FNDC7: variants seen among roughly 807,000 people sequenced by gnomAD.
FNDC7 encodes fibronectin type III domain-containing protein 7.
Under a neutral mutation model 74.2 loss-of-function variants are expected in FNDC7, and 66 were observed. The observed-to-expected ratio is 0.89, with a 90% CI of 0.73 to 1.09. The LOEUF is 1.09. Among genes scored for constraint, FNDC7 ranks in the 50% least tolerant of loss-of-function variants. FNDC7 has a pLI of 0.00. For synonymous variants in FNDC7, 307 were observed against 330.2 expected (o/e 0.93, Z 0.76); for missense variants, 829 against 893.4 (o/e 0.93, Z 0.92).
intron 5 of FNDC7, among the ~76,000 whole-genome samples, chr1:108,725,395 C>T (rs1041647527): frequency 1.3e-5 from 2 of 152,192 alleles, no homozygotes; most frequent in Non-Finnish European, 1.5e-5. Flanking sequence ...CTAGCTTCAT[C>T]TCTGGATGAA....
In FNDC7 at chr1:108,725,810, C is replaced by T. The variant is rs1661202278; in HGVS notation, c.917C>T (p.Ala306Val). The T allele has an allele frequency of 2.5e-6, 4 of 1,614,176 alleles. No individual in the cohort carries two copies. The highest frequency in any genetic ancestry group is 3.4e-6 in the Non-Finnish European group (4 of 1,180,006). ...GATCCCCCTGGCCACCTGTCTGTGG[C>T]TTGGTCCAGTGTAGATCTGGGTGAC... ...QEDPPGHLSV[A>V]WSSVDLGDYY... The change falls in exon 6 of 13, where the codon GCT becomes GTT. Residue 306 changes from alanine (A) to valine (V), a missense_variant. By Grantham distance (64) the Ala-to-Val change is moderately conservative. Transcript: ENST00000370017.
chr1:108,718,706 G>T (rs1661028843), intron 3 of FNDC7, 83 bp from the exon 4 acceptor site: 1 of 1,371,974 alleles, frequency 7.3e-7, no homozygotes, highest in Admixed American at 2.2e-5. Context: ...GTATATTATG[G>T]ATATCAATTT....
intron 11 of FNDC7, among the ~76,000 whole-genome samples, chr1:108,738,419 A>G (rs1661565227): frequency 6.6e-6 from 1 of 152,106 alleles, no homozygotes; most frequent in South Asian, 2.1e-4. Context: ...TAAGCAGTGT[A>G]TGCTGCCTCA....
At chr1:108,736,204 C>T (rs1164287163) in intron 10 of FNDC7, among the ~76,000 whole-genome samples, 1 of 152,180 alleles carries the variant, frequency 6.6e-6, no homozygotes, top group East Asian at 1.9e-4. Context: ...GTGCCTGCTT[C>T]GGCCACACAC....
intron 6 of FNDC7, among the ~76,000 whole-genome samples, chr1:108,727,487 G>A (rs555129733): frequency 2.0e-5 from 3 of 152,254 alleles, no homozygotes; most frequent in South Asian, 4.2e-4. Context: ...GCTTTCCAGT[G>A]GAGGGGTCAG....
intron 8 of FNDC7, among the ~76,000 whole-genome samples, chr1:108,730,361 CAA>C (rs748626022): frequency 4.3e-5 from 5 of 117,354 alleles, no homozygotes; most frequent in Admixed American, 9.4e-5. Context: ...ATCTCCTTCT[CAA>C]AAAAAAAAAA....
chr1:108,718,717 ACTTG>A, intron 3 of FNDC7, 68 bp from the exon 4 acceptor site: 1 of 1,462,790 alleles, frequency 6.8e-7, no homozygotes, highest in Non-Finnish European at 9.2e-7. Context: ...ATATCAATTT[ACTTG>A]CTTCTAAATT....
chr1:108,730,475 A>C (rs527372022), intron 8 of FNDC7, among the ~76,000 whole-genome samples, 199 bp from the exon 9 acceptor site: 43 of 152,216 alleles, frequency 2.8e-4, no homozygotes, highest in African/African-American at 9.4e-4. Context: ...ATTCTTGGGG[A>C]AAGTACCCAC....
At chr1:108,741,882 GT>G (rs34129242) in intron 12 of FNDC7, 41 bp downstream of exon 12, 9 of 1,442,778 alleles carry the variant, frequency 6.2e-6, no homozygotes, top group East Asian at 2.3e-5. Context: ...TTATGGCAAA[GT>G]TTTTTGTCTT....
intron 1 of FNDC7, 41 bp downstream of exon 1, chr1:108,713,037 A>G (rs903522067): frequency 1.2e-5 from 18 of 1,509,486 alleles, no homozygotes; most frequent in Non-Finnish European, 1.5e-5. Context: ...ATTTAGGGGA[A>G]AAAAGAAAGA....
intron 4 of FNDC7, among the ~76,000 whole-genome samples, chr1:108,719,539 T>G (rs769517261): frequency 9.2e-5 from 14 of 152,142 alleles, no homozygotes; most frequent in Non-Finnish European, 1.5e-4. Flanking sequence ...TGCAGTGGAA[T>G]TCATGTTTCA....
intron 1 of FNDC7, 90 bp downstream of exon 1, chr1:108,713,086 G>T: frequency 1.7e-6 from 2 of 1,153,936 alleles, no homozygotes; most frequent in Non-Finnish European, 1.2e-6. Flanking sequence ...GAGGAGTTGG[G>T]GAATAGGGAG....
chr1:108,730,907 T>G lies in FNDC7; in HGVS notation c.1858T>G (p.Ser620Ala). The change falls in exon 9 of 13, where the codon TCC (serine) becomes GCC (alanine). Residue 620 changes from serine (S) to alanine (A), a missense_variant. Coordinates refer to ENST00000370017, the MANE Select transcript of FNDC7 (RefSeq NM_001144937.3). ...TGCCACCGGGTTGACTGCAGATTGC[T>G]CCTACCAAAGTTATTTCTCTGGTAA... ...ISATGLTADCSYQSYFSGACC... is the reference protein window; with the variant it reads ...ISATGLTADCAYQSYFSGACC... 7 of 1,612,224 alleles carry G rather than the reference T, an allele frequency of 4.3e-6. No individual in the cohort carries two copies. The highest frequency in any genetic ancestry group is 5.9e-6 in the Non-Finnish European group (7 of 1,178,984).
chr1:108,728,528 A>G (rs1661269737), intron 7 of FNDC7, 104 bp from the exon 8 acceptor site: 2 of 1,399,510 alleles, frequency 1.4e-6, no homozygotes, highest in Admixed American at 1.8e-5. Context: ...GACGTGGTTG[A>G]AAACTGTGAT....
Position 108,722,603 on chromosome 1 carries a change from A to G in FNDC7, c.856+11A>G. The stretch of plus-strand genomic sequence containing the variant: ...TGACCCTGAAAACTGGTATGTAAAC[A>G]AGAGTGAGACTGCTGTCGGGCTTGC... On this transcript the variant is annotated intron_variant, in intron 5 of 12. Coordinates refer to ENST00000370017, the MANE Select transcript of FNDC7 (RefSeq NM_001144937.3). 6.2e-7 allele frequency: 1 copy of G among 1,606,250 alleles called. No homozygotes were observed. The highest frequency in any genetic ancestry group is 8.5e-7 in the Non-Finnish European group (1 of 1,174,472).
chr1:108,724,002 A>G (rs968632), intron 5 of FNDC7, among the ~76,000 whole-genome samples: 18,875 of 152,270 alleles, frequency 0.12, 1,728 homozygotes, highest in African/African-American at 0.26. Flanking sequence ...TGACTTATTA[A>G]TAAAAGAACT....
chr1:108,727,939 A>G lies in FNDC7; in HGVS notation c.1243A>G (p.Asn415Asp). The G allele has an allele frequency of 6.2e-7, 1 of 1,614,206 alleles. No homozygotes were observed. Among genetic ancestry groups the G allele is most frequent in the Non-Finnish European group, 8.5e-7 (1 of 1,180,018 alleles). The change falls in exon 7 of 13, where the codon AAT becomes GAT. Residue 415 changes from asparagine (N) to aspartate (D), a missense_variant. Transcript: ENST00000370017. ...AVDGYNMVEC[N>D]DTTPACTLSA... ...AGATGGGTACAACATGGTTGAGTGC[A>G]ATGACACTACTCCTGCGTGCACCCT...
chr1:108,728,548 G>A, intron 7 of FNDC7, 84 bp from the exon 8 acceptor site: 2 of 1,532,872 alleles, frequency 1.3e-6, no homozygotes, highest in Non-Finnish European at 1.8e-6. Context: ...TGATCTCACT[G>A]GGGGCAAAAT....
At chr1:108,720,364 C>G (rs540053064) in intron 4 of FNDC7, among the ~76,000 whole-genome samples, 2 of 152,292 alleles carry the variant, frequency 1.3e-5, no homozygotes, top group African/African-American at 4.8e-5. Flanking sequence ...TTCACCTGAC[C>G]AGTGCTTTGG....
Sources: allele counts gnomAD v4.1 joint callset (sites outside exome capture counted in the v4.1 genomes callset), GRCh38; gene constraint gnomAD v4.1.1; transcripts MANE v1.5; gene names NCBI Gene and HGNC (gene_info 2026-07-23, HGNC 2026-07-21).